BLTP1: variants seen among roughly 807,000 people sequenced by gnomAD.
The protein encoded by BLTP1 is fragile site-associated protein.
chr4:122,230,847 T>C, the BLTP1 span, among the ~76,000 whole-genome samples: 9 of 152,150 alleles, frequency 5.9e-5, no homozygotes, highest in Non-Finnish European at 1.0e-4. Context: ...ATAATGATCA[T>C]AACCCCACCA....
the BLTP1 span, chr4:122,190,222 G>A: frequency 8.9e-7 from 1 of 1,122,634 alleles, no homozygotes; most frequent in Non-Finnish European, 1.2e-6. Context: ...TCAGCCTCCT[G>A]AGTTGCTAAG....
At chr4:122,344,340 A>C in the BLTP1 span, 1 of 1,600,966 alleles carries the variant, frequency 6.2e-7, no homozygotes, top group Non-Finnish European at 8.5e-7. Context: ...GTATATATGT[A>C]TATATAGATG....
At chr4:122,244,104 G>A in the BLTP1 span, 1 of 1,391,192 alleles carries the variant, frequency 7.2e-7, no homozygotes, top group Non-Finnish European at 9.5e-7. Context: ...TATGTGATAT[G>A]TTCGTGTAGA....
the BLTP1 span, chr4:122,269,816 T>A: frequency 5.0e-6 from 2 of 398,040 alleles, no homozygotes; most frequent in African/African-American, 4.4e-5. Context: ...CTCTTTGCTG[T>A]CTCTAGTAAA....
chr4:122,202,533 C>A, the BLTP1 span: 2 of 967,676 alleles, frequency 2.1e-6, no homozygotes, highest in Non-Finnish European at 2.5e-6. Context: ...GAATCTGTTA[C>A]ATTACTTACC....
At chr4:122,352,831 G>A in the BLTP1 span, 1 of 1,551,176 alleles carries the variant, frequency 6.4e-7, no homozygotes. Context: ...GTAGCCACTT[G>A]CTGCCTCACT....
chr4:122,343,960 A>G, the BLTP1 span: 1 of 912,002 alleles, frequency 1.1e-6, no homozygotes, highest in Non-Finnish European at 1.3e-6. Context: ...TTTAAAGTGC[A>G]TGGGTCACAA....
At chr4:122,234,998 T>A in the BLTP1 span, 1 of 1,602,040 alleles carries the variant, frequency 6.2e-7, no homozygotes, top group Non-Finnish European at 8.5e-7. Context: ...GGATAATTAC[T>A]AAAGAAATTC....
At chr4:122,235,811 G>T in the BLTP1 span, among the ~76,000 whole-genome samples, 1 of 138,262 alleles carries the variant, frequency 7.2e-6, no homozygotes, top group Non-Finnish European at 1.6e-5. Flanking sequence ...TCTCAAAAAA[G>T]AAAAAAAAAA....
the BLTP1 span, among the ~76,000 whole-genome samples, chr4:122,157,105 A>G: frequency 6.6e-6 from 1 of 152,204 alleles, no homozygotes; most frequent in Admixed American, 6.5e-5. Context: ...ACGTATATGA[A>G]TCATCAAGTT....
At chr4:122,362,002 C>T in the BLTP1 span, 3 of 1,582,618 alleles carry the variant, frequency 1.9e-6, no homozygotes, top group Non-Finnish European at 2.6e-6. Flanking sequence ...CATTACACTC[C>T]TTAATAATAA....
chr4:122,229,598 G>A, the BLTP1 span: 1 of 429,134 alleles, frequency 2.3e-6, no homozygotes, highest in South Asian at 9.8e-5. Context: ...GAAAACATTT[G>A]TTTCCCACTC....
the BLTP1 span, chr4:122,226,224 ATACT>A: frequency 4.2e-5 from 7 of 166,770 alleles, no homozygotes; most frequent in Non-Finnish European, 8.6e-5. Context: ...ATTATGATAT[ATACT>A]TACTTAAGCT....
chr4:122,170,608 C>A, the BLTP1 span: 1 of 1,514,940 alleles, frequency 6.6e-7, no homozygotes, highest in Non-Finnish European at 8.8e-7. Flanking sequence ...CCTTTGAAAT[C>A]TTTTAGGCCT....
the BLTP1 span, chr4:122,343,739 C>A: frequency 4.1e-6 from 4 of 970,506 alleles, no homozygotes; most frequent in Admixed American, 2.8e-5. Context: ...TTTGATAATA[C>A]CTATCTCATA....
the BLTP1 span, chr4:122,286,690 C>T: frequency 6.2e-7 from 1 of 1,613,922 alleles, no homozygotes; most frequent in Non-Finnish European, 8.5e-7. Context: ...AATGGAAGAA[C>T]ATGATAGTTA....
the BLTP1 span, among the ~76,000 whole-genome samples, chr4:122,284,319 G>T: frequency 6.6e-6 from 1 of 152,002 alleles, no homozygotes; most frequent in African/African-American, 2.4e-5. Context: ...TATGGTGCTT[G>T]CCTTGTCTGA....
At chr4:122,294,495 G>A in the BLTP1 span, among the ~76,000 whole-genome samples, 1 of 152,172 alleles carries the variant, frequency 6.6e-6, no homozygotes, top group African/African-American at 2.4e-5. Flanking sequence ...GAGTCTGGAG[G>A]GGACCCCCAG....
chr4:122,328,189 C>G, the BLTP1 span: 2 of 1,611,174 alleles, frequency 1.2e-6, no homozygotes, highest in Non-Finnish European at 1.7e-6. Context: ...GGATCATGTT[C>G]TGTGTTCAGT....
Sources: allele counts gnomAD v4.1 joint callset (sites outside exome capture counted in the v4.1 genomes callset), GRCh38; gene constraint gnomAD v4.1.1; transcripts MANE v1.5; gene names NCBI Gene and HGNC (gene_info 2026-07-23, HGNC 2026-07-21).